CACNA1B: variants seen among roughly 807,000 people sequenced by gnomAD.
CACNA1B encodes calcium voltage-gated channel subunit alpha1 B.
In CACNA1B, 70 loss-of-function variants were observed where a neutral mutation model predicts 247.2. That is an observed-to-expected ratio of 0.28 (90% CI 0.23 to 0.35). CACNA1B has a LOEUF of 0.35. CACNA1B is among the 10% of genes least tolerant of loss of function. The pLI, the probability that CACNA1B is intolerant of heterozygous loss-of-function variation, is 1.00. For missense variants in CACNA1B, 2,367 were observed against 3,197.4 expected, an observed-to-expected ratio of 0.74 and a Z score of 6.26; for synonymous variants, 1,231 against 1,294.4, an observed-to-expected ratio of 0.95 and a Z score of 1.05.
chr9:138,000,158 G>A (rs934160584), intron 15 of CACNA1B, among the ~76,000 whole-genome samples: 2 of 150,806 alleles, frequency 1.3e-5, no homozygotes, highest in African/African-American at 4.9e-5. Context: ...GAGTGCAGTG[G>A]TGCGATCTCG....
rs1307161815 is a variant in CACNA1B, at chr9:138,052,816, A to C, written c.3807+628A>C. 6.6e-6 allele frequency among the ~76,000 whole-genome samples: 1 copy of C among 152,196 alleles called. No homozygotes were observed. Among genetic ancestry groups the C allele is most frequent in the Non-Finnish European group, 1.5e-5 (1 of 68,024 alleles). ...CAGCTGGGGAAGGCGTCGGAGGCCC[A>C]CTGGGTCCAGGGAGGAGTGGCACCT... On this transcript the variant is annotated intron_variant, in intron 25 of 46. Coordinates refer to ENST00000371372, the MANE Select transcript of CACNA1B (RefSeq NM_000718.4). The surrounding 1 kb of genome is among the most constrained non-coding windows in gnomAD (Gnocchi z 5.1).
chr9:137,886,751 G>A (rs1471453159), intron 3 of CACNA1B, among the ~76,000 whole-genome samples: 2 of 152,020 alleles, frequency 1.3e-5, no homozygotes, highest in East Asian at 3.9e-4. Flanking sequence ...TTGCGGCATG[G>A]GCGTGCCCCA....
At chr9:138,099,287 G>A (rs147939575) in intron 37 of CACNA1B, among the ~76,000 whole-genome samples, 39 of 152,332 alleles carry the variant, frequency 2.6e-4, no homozygotes, top group East Asian at 1.7e-3. Flanking sequence ...TGCACAAGGC[G>A]CGCACGTGTG....
chr9:138,063,821 A>G (rs71495305), intron 31 of CACNA1B, among the ~76,000 whole-genome samples: 2,703 of 152,294 alleles, frequency 0.018, 26 homozygotes, highest in Middle Eastern at 0.054. Context: ...GTGTAGACCA[A>G]CCACCCCTTT....
intron 6 of CACNA1B, among the ~76,000 whole-genome samples, chr9:137,945,154 G>A (rs1330621826): frequency 6.6e-6 from 1 of 152,216 alleles, no homozygotes; most frequent in African/African-American, 2.4e-5. Context: ...CTGTCCAGCT[G>A]ATATTGGGGC....
intron 6 of CACNA1B, among the ~76,000 whole-genome samples, chr9:137,925,102 CA>C (rs1957534633): frequency 6.6e-6 from 1 of 152,218 alleles, no homozygotes; most frequent in African/African-American, 2.4e-5. Context: ...AAAACCTGGC[CA>C]AGGGTAGCCC....
At chr9:137,895,579 C>T (rs961916108) in intron 3 of CACNA1B, among the ~76,000 whole-genome samples, 2 of 152,106 alleles carry the variant, frequency 1.3e-5, no homozygotes, top group Non-Finnish European at 2.9e-5. Context: ...ACATTTACAT[C>T]TAAGTATTTC....
chr9:138,068,554 T>A, intron 31 of CACNA1B: 1 of 517,756 alleles, frequency 1.9e-6, no homozygotes, highest in Admixed American at 1.9e-5. Flanking sequence ...CCCAGTGCGC[T>A]TTCCGAGAGG....
chr9:137,983,604 T>A lies in CACNA1B; in HGVS notation c.1657-534T>A, dbSNP rs73570241. 2.0e-5 allele frequency among the ~76,000 whole-genome samples: 3 copies of A among 152,182 alleles called. No homozygotes were observed. The South Asian group carries it at 6.2e-4, about 32-fold the overall frequency. On this transcript the variant is annotated intron_variant, in intron 12 of 46. Transcript: ENST00000371372. ...GGTGGCATGTGCTGTTTCCTGGTCA[T>A]TGGGAGAAGAAAAGACTCAAGATGC... is the stretch of plus-strand genomic sequence containing the variant.
chr9:137,919,912 A>G lies in CACNA1B; in HGVS notation c.966+2481A>G, dbSNP rs1338890452. Among the ~76,000 whole-genome samples, 2 of 152,202 alleles carry G rather than the reference A, an allele frequency of 1.3e-5. No individual in the cohort carries two copies. On this transcript the variant is annotated intron_variant, in intron 6 of 46. Transcript: ENST00000371372. The surrounding 1 kb of genome is among the most constrained non-coding windows in gnomAD (Gnocchi z 4.6). ...TGCCTGGAAAAGCAGGCGGAGTCAA[A>G]TGGAGCTTTGGGAGAACACACGGAT...
At chr9:138,048,307 TCTGA>T (rs1216799888) in intron 23 of CACNA1B, among the ~76,000 whole-genome samples, 1 of 152,170 alleles carries the variant, frequency 6.6e-6, no homozygotes, top group Non-Finnish European at 1.5e-5. Context: ...GTCCTGCTGC[TCTGA>T]GCTTGCCTGC....
At chr9:137,934,905 A>G (rs1425612564) in intron 6 of CACNA1B, among the ~76,000 whole-genome samples, 1 of 152,200 alleles carries the variant, frequency 6.6e-6, no homozygotes, top group East Asian at 1.9e-4. Flanking sequence ...CTCTGACAAT[A>G]TGACAAAACA....
chr9:137,941,345 A>C (rs1957730503), intron 6 of CACNA1B, among the ~76,000 whole-genome samples: 1 of 152,138 alleles, frequency 6.6e-6, no homozygotes, highest in Non-Finnish European at 1.5e-5. Flanking sequence ...AAAAAACAGA[A>C]AGCCAAAAAA....
chr9:137,986,329 T>G lies in CACNA1B; in HGVS notation c.1770-84T>G. On this transcript the variant is annotated intron_variant, in intron 13 of 46. Transcript: ENST00000371372. This position sits in a 1 kb window ranked among gnomAD's most constrained non-coding sequence, Gnocchi z 6.0. ...CAGCCCTCAGGGTTTAGAAAGTCAGTGGAGCCTTAAGTGTGGCTGCAGAGA... is the reference window on the plus strand; with the variant it reads ...CAGCCCTCAGGGTTTAGAAAGTCAGGGGAGCCTTAAGTGTGGCTGCAGAGA... 2.7e-6 allele frequency: 4 copies of G among 1,479,166 alleles called. No individual in the cohort carries two copies. The highest frequency in any genetic ancestry group is 3.7e-6 in the Non-Finnish European group (4 of 1,079,574). 91.6% of individuals were successfully genotyped at this position (1,479,166 alleles called of 1,614,324 possible). A position where few individuals can be genotyped will look rare whatever the true frequency, so the allele number is the denominator to read the frequency against.
At chr9:137,960,797 T>G (rs1033630801) in intron 10 of CACNA1B, among the ~76,000 whole-genome samples, 1 of 152,060 alleles carries the variant, frequency 6.6e-6, no homozygotes, top group Non-Finnish European at 1.5e-5. Flanking sequence ...CCCTCTGGCT[T>G]CTGTGGTATA....
chr9:137,905,352 CAAA>C (rs55748127), intron 3 of CACNA1B, among the ~76,000 whole-genome samples: 1 of 68,694 alleles, frequency 1.5e-5, no homozygotes, highest in Admixed American at 1.7e-4. Context: ...GACTCTGTCT[CAAA>C]AAAAAAAAAA....
At chr9:138,042,481 A>G (rs1564254099) in intron 20 of CACNA1B, among the ~76,000 whole-genome samples, 1 of 152,226 alleles carries the variant, frequency 6.6e-6, no homozygotes, top group Non-Finnish European at 1.5e-5. Flanking sequence ...AAAACTTGCA[A>G]CAAAACTTTT....
At chr9:138,109,968 T>G (rs1327198515) in intron 39 of CACNA1B, among the ~76,000 whole-genome samples, 2 of 152,004 alleles carry the variant, frequency 1.3e-5, no homozygotes, top group Non-Finnish European at 2.9e-5. Context: ...GCAGGAAAAT[T>G]GCTTGAACCT....
chr9:138,078,886 C>T (rs1589115782), intron 36 of CACNA1B, among the ~76,000 whole-genome samples: 1 of 152,300 alleles, frequency 6.6e-6, no homozygotes, highest in African/African-American at 2.4e-5. Flanking sequence ...AAAAAGCAGG[C>T]TGCATCCTGG....
Sources: gnomAD v4.1 joint callset for allele counts (sites outside exome capture counted in the v4.1 genomes callset) on GRCh38, gnomAD v4.1.1 for gene constraint, Gnocchi (gnomAD v3.1) non-coding constraint, MANE v1.5 for transcripts, NCBI Gene and HGNC (gene_info 2026-07-23, HGNC 2026-07-21) for gene names.